The following SMG7 variants were observed in gnomAD, a reference collection of about 807,000 sequenced individuals.
SMG7 encodes the protein nonsense-mediated mRNA decay factor SMG7.
Under a neutral mutation model 148.2 loss-of-function variants are expected in SMG7, and 34 were observed. The ratio of observed to expected loss-of-function variants is 0.23; its 90% CI spans 0.17 to 0.31. The LOEUF is 0.31. SMG7 is among the 10% of genes least tolerant of loss of function. SMG7 has a pLI of 1.00. For missense variants in SMG7, 1,114 were observed against 1,408.4 expected, an observed-to-expected ratio of 0.79 and a Z score of 3.35; for synonymous variants, 492 against 515.1, an observed-to-expected ratio of 0.96 and a Z score of 0.61.
rs1012822160 is a variant in SMG7 at position 183,543,690 on chromosome 1, C to T, written c.1843-663C>T. Reference sequence around the variant, plus strand: ...AAGAAAGAGTAAACATATCACCACACTCTGTACCTCGTCCTGGGTTTTCTA... The same window carrying T: ...AAGAAAGAGTAAACATATCACCACATTCTGTACCTCGTCCTGGGTTTTCTA... On this transcript the variant is annotated intron_variant, in intron 14 of 22. Transcript: ENST00000688051. Among the ~76,000 whole-genome samples, 28 of 152,336 alleles carry T rather than the reference C, an allele frequency of 1.8e-4. No individual in the cohort carries two copies. The East Asian group carries it at 5.4e-3, about 29-fold the overall frequency.
intron 1 of SMG7, among the ~76,000 whole-genome samples, chr1:183,488,779 G>A (rs971798628): frequency 2.8e-5 from 4 of 144,916 alleles, no homozygotes; most frequent in African/African-American, 1.0e-4. Context: ...CACCTCCCAG[G>A]TTCAAGTGAC....
chr1:183,513,035 C>A (rs1387235383), intron 2 of SMG7, 167 bp downstream of exon 2: 2 of 588,886 alleles, frequency 3.4e-6, no homozygotes, highest in Non-Finnish European at 5.7e-6. Context: ...AGTTTGAATT[C>A]TTGCTTAAAT....
intron 1 of SMG7, among the ~76,000 whole-genome samples, chr1:183,475,890 A>G (rs992150749): frequency 3.9e-5 from 6 of 152,210 alleles, no homozygotes; most frequent in Non-Finnish European, 8.8e-5. Flanking sequence ...AAAAAAAATG[A>G]ATACAATGAT....
chr1:183,541,176 GCA>G (rs998213993), intron 13 of SMG7, 73 bp downstream of exon 13: 247 of 1,244,636 alleles, frequency 2.0e-4, no homozygotes, highest in Admixed American at 3.5e-4. Context: ...ACACGCGCGC[GCA>G]CACACACACA....
intron 1 of SMG7, among the ~76,000 whole-genome samples, chr1:183,498,085 G>A (rs949459269): frequency 1.3e-5 from 2 of 152,156 alleles, no homozygotes; most frequent in Non-Finnish European, 2.9e-5. Flanking sequence ...ATAATTTATA[G>A]AATATTTTAT....
Position 183,546,092 on chromosome 1 carries a change from C to T in SMG7, c.2497C>T (p.Pro833Ser). The change falls in exon 17 of 23, where the codon CCG becomes TCG. Residue 833 changes from proline (P) to serine (S), a missense_variant. By Grantham distance (74) the Pro-to-Ser change is moderately conservative. Transcript: ENST00000688051. ...QTQDPIKLFE[P>S]SLQPPVMQQQ... ...CCAAGACCCCATAAAACTGTTTGAG[C>T]CGTCATTGCAACCTCCTGTAATGCA... The T allele has an allele frequency of 6.2e-7, 1 of 1,614,032 alleles. No individual in the cohort carries two copies.
intron 14 of SMG7, among the ~76,000 whole-genome samples, chr1:183,542,927 A>ATGTGTGTG (rs3979479): frequency 1.4e-3 from 118 of 85,160 alleles, no homozygotes; most frequent in African/African-American, 4.3e-3. Flanking sequence ...ATATATATAT[A>ATGTGTGTG]TGTGTGTGTG....
At chr1:183,481,594 A>G (rs1020291239) in intron 1 of SMG7, among the ~76,000 whole-genome samples, 4 of 152,210 alleles carry the variant, frequency 2.6e-5, no homozygotes, top group Non-Finnish European at 5.9e-5. Flanking sequence ...AGGACTATTT[A>G]CCGTATGCCA....
rs1668732519 is a variant in SMG7, at chr1:183,541,066, A to C, written c.1378A>C (p.Ile460Leu). The C allele has an allele frequency of 2.5e-6, 4 of 1,613,590 alleles. No homozygotes were observed. In the Admixed American group the frequency reaches 6.7e-5, roughly 27 times the overall value. Residue 460 changes from isoleucine to leucine, a missense_variant, in exon 13 of 23, where the codon ATC becomes CTC. Physicochemically the swap from Ile to Leu is conservative, Grantham distance 5. Transcript: ENST00000688051. ...QQRRIRQQRL[I>L]SIGKWIADNQ... ...ACGACGAATACGACAGCAACGCTTG[A>C]TCTCTATAGGCAAATGGATTGCTGA...
rs76505341 is a variant in SMG7, at chr1:183,509,562, C to A, written c.30-3275C>A. ...TATCCCGTAGGGTTGTTATATTTTCCATTTAGCTGTCTTTATCAATTCAAT... is the reference window on the plus strand; with the variant it reads ...TATCCCGTAGGGTTGTTATATTTTCAATTTAGCTGTCTTTATCAATTCAAT... On this transcript the variant is annotated intron_variant, in intron 1 of 22. Transcript: ENST00000688051. Among the ~76,000 whole-genome samples the A allele has an allele frequency of 5.1e-3, 772 of 152,084 alleles. 8 individuals carry two copies. The highest frequency in any genetic ancestry group is 0.018 in the African/African-American group (740 of 41,476).
chr1:183,531,165 G>A (rs920759884), intron 8 of SMG7, among the ~76,000 whole-genome samples: 4 of 152,046 alleles, frequency 2.6e-5, no homozygotes, highest in Non-Finnish European at 4.4e-5. Flanking sequence ...AATTTCCAAA[G>A]TATTTCTAAA....
At chr1:183,519,058 T>C (rs965731839) in intron 4 of SMG7, among the ~76,000 whole-genome samples, 2 of 152,056 alleles carry the variant, frequency 1.3e-5, no homozygotes, top group Non-Finnish European at 2.9e-5. Flanking sequence ...CAGGTTGTGG[T>C]GCTACCTGCC....
At position 183,523,759 on chromosome 1, in the gene SMG7, C is replaced by T. The variant is rs1000009573; in HGVS notation, c.313-2837C>T. 5.3e-5 allele frequency among the ~76,000 whole-genome samples: 8 copies of T among 152,128 alleles called. 1 individual carries two copies. The highest frequency in any genetic ancestry group is 4.6e-4 in the Admixed American group (7 of 15,266). ...CTCAGGCAGAAATTTTATTACAAGACATTCTACATGATGTTCCAACCATAA... is the reference window on the plus strand; with the variant it reads ...CTCAGGCAGAAATTTTATTACAAGATATTCTACATGATGTTCCAACCATAA... On this transcript the variant is annotated intron_variant, in intron 4 of 22. Coordinates refer to ENST00000688051, the MANE Select transcript of SMG7 (RefSeq NM_001375584.1).
chr1:183,534,723 C>G (rs1667436910), intron 10 of SMG7, among the ~76,000 whole-genome samples: 1 of 152,024 alleles, frequency 6.6e-6, no homozygotes, highest in Admixed American at 6.6e-5. Context: ...AGATATTAGC[C>G]AGGCATTGTG....
chr1:183,486,284 AT>A (rs1655402009), intron 1 of SMG7, among the ~76,000 whole-genome samples: 1 of 152,240 alleles, frequency 6.6e-6, no homozygotes, highest in Non-Finnish European at 1.5e-5. Flanking sequence ...TCTCAGAGTA[AT>A]TGACATATTC....
Position 183,533,325 on chromosome 1 carries a change from T to A in SMG7, c.1005T>A (p.Phe335Leu). ...GTTGGACACAGTTGCTGGCCCTCTT[T>A]AGTGAGTATTGAATTACTTAACATG... ...QLCWTQLLALFMSFLGILCKC... is the reference protein window; with the variant it reads ...QLCWTQLLALLMSFLGILCKC... The change falls in exon 9 of 23, where the codon TTT (phenylalanine) becomes TTA (leucine). Residue 335 changes from phenylalanine to leucine, a missense_variant and splice_region_variant. Coordinates refer to ENST00000688051, the MANE Select transcript of SMG7 (RefSeq NM_001375584.1). 6.2e-7 allele frequency: 1 copy of A among 1,612,572 alleles called. No individual in the cohort carries two copies. The highest frequency in any genetic ancestry group is 8.5e-7 in the Non-Finnish European group (1 of 1,179,382).
chr1:183,541,138 C>T (rs1490998476), intron 13 of SMG7, 35 bp downstream of exon 13: 3 of 1,603,170 alleles, frequency 1.9e-6, no homozygotes, highest in Admixed American at 1.7e-5. Flanking sequence ...CCCTTTTTAA[C>T]CACCTTTTTA....
intron 10 of SMG7, among the ~76,000 whole-genome samples, chr1:183,534,680 G>A (rs1000031755): frequency 6.6e-6 from 1 of 152,084 alleles, no homozygotes; most frequent in African/African-American, 2.4e-5. Flanking sequence ...GGCCAACATG[G>A]TGAAACCCCA....
At chr1:183,518,046 G>A (rs1437005751) in intron 4 of SMG7, among the ~76,000 whole-genome samples, 2 of 152,076 alleles carry the variant, frequency 1.3e-5, no homozygotes, top group African/African-American at 2.4e-5. Context: ...CTCCCTGACT[G>A]AAGTGATCCT....
Sources: allele counts gnomAD v4.1 joint callset (sites outside exome capture counted in the v4.1 genomes callset), GRCh38; gene constraint gnomAD v4.1.1; transcripts MANE v1.5; gene names NCBI Gene and HGNC (gene_info 2026-07-23, HGNC 2026-07-21).